Variants in GK3 observed in about 807,000 individuals in gnomAD.
GK3 encodes the protein glycerol kinase 3 pseudogene.
At chr4:165,279,066 C>T in the GK3 span, 1 of 1,517,716 alleles carries the variant, frequency 6.6e-7, no homozygotes, top group Non-Finnish European at 9.2e-7. Flanking sequence ...GTACAGTGGA[C>T]ACCTCCATTG....
the GK3 span, chr4:165,279,028 C>T: frequency 3.3e-6 from 5 of 1,506,832 alleles, no homozygotes; most frequent in East Asian, 1.1e-4. Flanking sequence ...TGTTGAAAAG[C>T]ATAGTCCTAC....
At chr4:165,279,166 A>T in the GK3 span, 3 of 1,598,466 alleles carry the variant, frequency 1.9e-6, no homozygotes, top group Non-Finnish European at 2.6e-6. Context: ...CTTTTCTCAC[A>T]TTGTCGAGGA....
chr4:165,279,695 G>C, the GK3 span: 1 of 1,468,182 alleles, frequency 6.8e-7, no homozygotes, highest in Non-Finnish European at 9.6e-7. Context: ...CCTGGGTGAC[G>C]GCGGCGGGAG....
the GK3 span, chr4:165,279,576 G>A: frequency 1.9e-5 from 31 of 1,598,424 alleles, no homozygotes; most frequent in African/African-American, 9.4e-5. Flanking sequence ...ACCAAAAAGC[G>A]CGTGGAACTG....
chr4:165,279,363 C>G, the GK3 span: 78 of 1,582,542 alleles, frequency 4.9e-5, no homozygotes, highest in Non-Finnish European at 6.7e-5. Flanking sequence ...ACGGTGGTTT[C>G]CCTCTGGTTG....
chr4:165,279,220 G>A, the GK3 span: 2 of 1,527,488 alleles, frequency 1.3e-6, no homozygotes, highest in Admixed American at 3.3e-5. Context: ...TAAGTGGAAG[G>A]CCTGTCTTGG....
At chr4:165,278,551 C>T in the GK3 span, 63 of 1,611,478 alleles carry the variant, frequency 3.9e-5, no homozygotes, top group Middle Eastern at 1.7e-4. Flanking sequence ...CATATAACCC[C>T]GAAAATGCTG....
chr4:165,278,770 C>T, the GK3 span: 2 of 1,562,572 alleles, frequency 1.3e-6, no homozygotes, highest in Admixed American at 1.7e-5. Context: ...AAAATACACA[C>T]TTATGGCCTG....
At chr4:165,279,450 C>T in the GK3 span, 2 of 1,600,920 alleles carry the variant, frequency 1.2e-6, no homozygotes, top group Admixed American at 3.3e-5. Context: ...TCTATACACT[C>T]ATAGACAGAA....
the GK3 span, chr4:165,278,791 T>G: frequency 6.5e-7 from 1 of 1,544,906 alleles, no homozygotes. Context: ...TATTACATAG[T>G]AAGAAACATC....
the GK3 span, chr4:165,278,496 T>C: frequency 6.3e-7 from 1 of 1,598,372 alleles, no homozygotes. Context: ...GTGAATTGAG[T>C]GAGTCCACAG....
chr4:165,279,105 A>T, the GK3 span: 5 of 1,587,926 alleles, frequency 3.1e-6, no homozygotes, highest in Non-Finnish European at 4.3e-6. Context: ...CAAATAAGCC[A>T]TGAATCAATA....
chr4:165,278,232 A>G, the GK3 span: 1 of 1,155,486 alleles, frequency 8.7e-7, no homozygotes, highest in South Asian at 1.2e-5. Context: ...TCAAGACTCC[A>G]TACGTCGACT....
chr4:165,278,540 G>A, the GK3 span: 5 of 1,609,662 alleles, frequency 3.1e-6, no homozygotes, highest in African/African-American at 4.0e-5. Context: ...CCAATAAGGT[G>A]CATATAACCC....
At chr4:165,278,448 C>T in the GK3 span, 2 of 1,526,976 alleles carry the variant, frequency 1.3e-6, no homozygotes, top group South Asian at 1.1e-5. Context: ...TGGAAACAAA[C>T]AGCTTCTAAT....
the GK3 span, chr4:165,279,669 C>A: frequency 6.2e-7 from 1 of 1,600,346 alleles, no homozygotes; most frequent in Non-Finnish European, 8.6e-7. Flanking sequence ...GGTCCGCCCG[C>A]GTTTGCGGCC....
chr4:165,278,588 C>A, the GK3 span: 11 of 1,592,882 alleles, frequency 6.9e-6, no homozygotes, highest in Non-Finnish European at 9.5e-6. Context: ...ATAAGAAGTA[C>A]CTACTTCTTT....
At chr4:165,278,713 G>A in the GK3 span, 1 of 1,602,326 alleles carries the variant, frequency 6.2e-7, no homozygotes, top group Non-Finnish European at 8.6e-7. Flanking sequence ...ATACCGGTTT[G>A]TCTCTGCCAA....
chr4:165,278,900 T>G, the GK3 span: 1 of 1,414,500 alleles, frequency 7.1e-7, no homozygotes, highest in African/African-American at 1.4e-5. Flanking sequence ...TGGCACACCT[T>G]CCAAGGCCCC....
Sources: allele counts gnomAD v4.1 joint callset, GRCh38; gene constraint gnomAD v4.1.1; transcripts MANE v1.5; gene names NCBI Gene and HGNC (gene_info 2026-07-23, HGNC 2026-07-21).